The following ODAD4 variants were observed in gnomAD, a reference collection of about 807,000 sequenced individuals.
The protein encoded by ODAD4 is outer dynein arm-docking complex subunit 4.
A neutral mutation model predicts 51.8 loss-of-function variants in ODAD4; 49 were observed. That is an observed-to-expected ratio of 0.95 (90% CI 0.75 to 1.20). ODAD4 has a LOEUF of 1.20. ODAD4 is among the 50% of genes most tolerant of loss of function. The probability of loss-of-function intolerance (pLI) is 0.00; values close to 1 mark genes in which losing one functional copy is unlikely to be tolerated. For synonymous variants in ODAD4, 235 were observed against 221.3 expected (o/e 1.06, Z -0.55); for missense variants, 590 against 586.5 (o/e 1.01, Z -0.06).
intron 8 of ODAD4, 124 bp downstream of exon 8, chr17:41,945,346 A>C: frequency 4.3e-6 from 2 of 467,296 alleles, no homozygotes; most frequent in Non-Finnish European, 7.3e-6. Flanking sequence ...CTCTCTACAA[A>C]AAAAAAAAAA....
rs1417722944 is a variant in ODAD4, at chr17:41,957,608, C to G, written c.1443+2291C>G. On this transcript the variant is annotated intron_variant, in intron 10 of 11. Transcript: ENST00000377540. Reference sequence around the variant, plus strand: ...GATTTCCTCATTCTCTTGCCTAAACCTTTTATTACTTCCTGGCTGTCTCTG... The same window carrying G: ...GATTTCCTCATTCTCTTGCCTAAACGTTTTATTACTTCCTGGCTGTCTCTG... 2.6e-5 allele frequency among the ~76,000 whole-genome samples: 4 copies of G among 152,096 alleles called. No homozygotes were observed. In the South Asian group the frequency reaches 8.3e-4, roughly 32 times the overall value.
chr17:41,944,417 C>T (rs879954772), intron 7 of ODAD4, among the ~76,000 whole-genome samples: 1 of 12,530 alleles, frequency 8.0e-5, no homozygotes, highest in Non-Finnish European at 3.2e-4. Context: ...CACACACACA[C>T]ACACACACAC....
chr17:41,939,255 G>A (rs2050473863), intron 7 of ODAD4, 83 bp downstream of exon 7: 25 of 1,368,308 alleles, frequency 1.8e-5, no homozygotes, highest in Non-Finnish European at 2.4e-5. Flanking sequence ...CAGGGCTGCT[G>A]GTGGCTTGAC....
intron 10 of ODAD4, among the ~76,000 whole-genome samples, chr17:41,960,101 T>C (rs1328620230): frequency 3.9e-5 from 6 of 152,216 alleles, no homozygotes; most frequent in African/African-American, 9.6e-5. Context: ...TCAGGAAATA[T>C]TCGCCGAGTG....
chr17:41,952,055 G>C (rs2050661027), intron 9 of ODAD4, among the ~76,000 whole-genome samples: 1 of 151,578 alleles, frequency 6.6e-6, no homozygotes, highest in South Asian at 2.1e-4. Context: ...GCAACTTAAA[G>C]AGACCTCATC....
chr17:41,955,232 T>C lies in ODAD4; in HGVS notation c.1358T>C (p.Phe453Ser). The change falls in exon 10 of 12, where the codon TTC (phenylalanine) becomes TCC (serine). Residue 453 changes from phenylalanine to serine, a missense_variant. By Grantham distance (155) the Phe-to-Ser change is radical. Coordinates refer to ENST00000377540, the MANE Select transcript of ODAD4 (RefSeq NM_031421.5). ...VAQAQVKLRD[F>S]ESAVNNFEKA... is the part of the protein sequence containing the mutation. The stretch of plus-strand genomic sequence containing the variant: ...TGCTCTCCAGTGAAGCTGAGAGACT[T>C]CGAGTCAGCCGTGAACAATTTTGAG... The C allele has an allele frequency of 1.3e-6, 1 of 778,810 alleles. No individual in the cohort carries two copies. The highest frequency in any genetic ancestry group is 1.3e-5 in the South Asian group (1 of 74,088). The allele number at this position is 778,810 out of a possible 1,614,324, so 48.2% of individuals were successfully genotyped here.
At chr17:41,936,634 C>T in intron 4 of ODAD4, 100 bp downstream of exon 4, 5 of 1,509,888 alleles carry the variant, frequency 3.3e-6, no homozygotes, top group Admixed American at 3.6e-5. Flanking sequence ...ACCAGGCATA[C>T]TCCGTGACTC....
chr17:41,947,752 G>A (rs1273191319), intron 8 of ODAD4, among the ~76,000 whole-genome samples: 1 of 151,890 alleles, frequency 6.6e-6, no homozygotes, highest in Non-Finnish European at 1.5e-5. Flanking sequence ...CTGAGATGGC[G>A]CCACTGCACT....
chr17:41,952,365 CAAAAAAA>C (rs140105127), intron 9 of ODAD4, among the ~76,000 whole-genome samples: 5 of 87,238 alleles, frequency 5.7e-5, no homozygotes, highest in Non-Finnish European at 8.5e-5. Flanking sequence ...GACTCTGTAT[CAAAAAAA>C]AAAAAAAAAA....
rs188595090 is a variant in ODAD4, at chr17:41,965,311, C to T, written c.1847C>T (p.Ser616Leu). 18 of 780,386 alleles carry T rather than the reference C, an allele frequency of 2.3e-5. No homozygotes were observed. The East Asian group carries it at 3.4e-4, about 15-fold the overall frequency. The allele number at this position is 780,386 out of a possible 1,614,324, so 48.3% of individuals were successfully genotyped here. ...RESREIYRRP[S>L]GELEQRLSGE... ...TCAAGAGAAATTTATAGGAGGCCTTCGGGAGAATTAGAGCAAAGACTCTCA... is the reference window on the plus strand; with the variant it reads ...TCAAGAGAAATTTATAGGAGGCCTTTGGGAGAATTAGAGCAAAGACTCTCA... The change falls in exon 12 of 12, where the codon TCG becomes TTG. Residue 616 changes from serine (S) to leucine (L), a missense_variant. By Grantham distance (145) the Ser-to-Leu change is moderately radical (BLOSUM62 -2). Around this residue, in one of 3 missense-constraint regions of ODAD4, gnomAD observed 226 missense variants for 162.7 expected, o/e 1.39. Transcript: ENST00000377540.
At position 41,940,548 on chromosome 17, in the gene ODAD4, C is replaced by T. The variant is rs1422261556; in HGVS notation, c.1058+1376C>T. Among the ~76,000 whole-genome samples, 6 of 152,308 alleles carry T rather than the reference C, an allele frequency of 3.9e-5. No individual in the cohort carries two copies. The South Asian group carries it at 6.2e-4, about 16-fold the overall frequency. ...CTGAGCAGGAATATCCCATACTGGC[C>T]ATCCCATATTAGAAAAAAATAGCTT... is the stretch of plus-strand genomic sequence containing the variant. On this transcript the variant is annotated intron_variant, in intron 7 of 11. Coordinates refer to ENST00000377540, the MANE Select transcript of ODAD4 (RefSeq NM_031421.5).
intron 9 of ODAD4, among the ~76,000 whole-genome samples, chr17:41,952,180 A>G (rs1197558747): frequency 6.6e-6 from 1 of 151,942 alleles, no homozygotes; most frequent in African/African-American, 2.4e-5. Context: ...CAGCCTGGCC[A>G]ACATAGTGAA....
Position 41,945,345 on chromosome 17 carries a change from A to G in ODAD4, c.1145+123A>G, listed in dbSNP as rs1221999838. 2.0e-5 allele frequency: 4 copies of G among 198,182 alleles called. No homozygotes were observed. In the African/African-American group the frequency reaches 2.0e-4, roughly 10 times the overall value. 12.3% of individuals were successfully genotyped at this position (198,182 alleles called of 1,614,324 possible). On this transcript the variant is annotated intron_variant, in intron 8 of 11. Transcript: ENST00000377540. The stretch of plus-strand genomic sequence containing the variant: ...AACATAGGAAGACTCCCTCTCTACA[A>G]AAAAAAAAAAAAAAAAATTAGCCGC...
intron 7 of ODAD4, among the ~76,000 whole-genome samples, chr17:41,941,595 C>A (rs2050506689): frequency 6.6e-6 from 1 of 152,008 alleles, no homozygotes; most frequent in Non-Finnish European, 1.5e-5. Context: ...AACCCCATCT[C>A]TACTAAAAAT....
At chr17:41,939,442 A>G (rs535908125) in intron 7 of ODAD4, among the ~76,000 whole-genome samples, 2 of 152,310 alleles carry the variant, frequency 1.3e-5, no homozygotes, top group Admixed American at 1.3e-4. Flanking sequence ...ATATTCTTAC[A>G]TCAGCTTAAC....
At chr17:41,936,689 A>G in intron 4 of ODAD4, 73 bp from the exon 5 acceptor site, 1 of 1,576,858 alleles carries the variant, frequency 6.3e-7, no homozygotes, top group Admixed American at 1.8e-5. Context: ...CTGGGATCAC[A>G]GACCCTAGGG....
intron 10 of ODAD4, among the ~76,000 whole-genome samples, chr17:41,960,502 C>T (rs1398278348): frequency 1.3e-5 from 2 of 152,152 alleles, no homozygotes; most frequent in African/African-American, 2.4e-5. Flanking sequence ...TGGTTCATGA[C>T]CAGTGCCATA....
At chr17:41,941,313 C>G (rs1427884589) in intron 7 of ODAD4, among the ~76,000 whole-genome samples, 2 of 152,242 alleles carry the variant, frequency 1.3e-5, no homozygotes, top group Non-Finnish European at 2.9e-5. Flanking sequence ...CCTGGCCTGT[C>G]TTGACCTGGC....
At position 41,930,857 on chromosome 17, in the gene ODAD4, T is replaced by C. The variant is rs1297487398; in HGVS notation, c.114+20T>C. The stretch of plus-strand genomic sequence containing the variant: ...AGCAACGTGAGTCGAGCTCTCAACC[T>C]ATCCATCACCCCATCACCCGTCACT... On this transcript the variant is annotated intron_variant, in intron 1 of 11. Coordinates refer to ENST00000377540, the MANE Select transcript of ODAD4 (RefSeq NM_031421.5). 7 of 639,734 alleles carry C rather than the reference T, an allele frequency of 1.1e-5. No individual in the cohort carries two copies. In the East Asian group the frequency reaches 1.4e-4, roughly 13 times the overall value. The allele number at this position is 639,734 out of a possible 1,614,324, so 39.6% of individuals were successfully genotyped here. A position where few individuals can be genotyped will look rare whatever the true frequency, so the allele number is the denominator to read the frequency against.
Sources: allele counts gnomAD v4.1 joint callset (sites outside exome capture counted in the v4.1 genomes callset), GRCh38; gene constraint gnomAD v4.1.1; regional missense constraint gnomAD v4.1.1; transcripts MANE v1.5; gene names NCBI Gene and HGNC (gene_info 2026-07-23, HGNC 2026-07-21).